SMYD3: variants seen among roughly 807,000 people sequenced by gnomAD.
SMYD3 encodes SET and MYND domain containing 3.
A neutral mutation model predicts 57.7 loss-of-function variants in SMYD3; 36 were observed. That is an observed-to-expected ratio of 0.62 (90% confidence interval 0.48 to 0.82). The LOEUF is 0.82. Ranked by LOEUF, SMYD3 falls within the 40% of genes least tolerant of loss-of-function variation. SMYD3 has a pLI of 0.00. For synonymous variants in SMYD3, 211 were observed against 195.0 expected (o/e 1.08, Z -0.68); for missense variants, 515 against 538.8 (o/e 0.96, Z 0.44).
chr1:246,121,872 C>T (rs1227401925), intron 5 of SMYD3, among the ~76,000 whole-genome samples: 1 of 152,138 alleles, frequency 6.6e-6, no homozygotes, highest in African/African-American at 2.4e-5. Context: ...GCGATTACTA[C>T]AGAGTTCTAA....
At chr1:246,348,610 G>A (rs1016162123) in intron 2 of SMYD3, among the ~76,000 whole-genome samples, 21 of 151,704 alleles carry the variant, frequency 1.4e-4, no homozygotes, top group African/African-American at 5.1e-4. Flanking sequence ...GAAGGGGAAG[G>A]AGGAGGAGGT....
chr1:246,419,026 C>G (rs183978087), intron 1 of SMYD3, among the ~76,000 whole-genome samples: 327 of 152,288 alleles, frequency 2.1e-3, no homozygotes, highest in Non-Finnish European at 3.9e-3. Context: ...ACCCCCTCCC[C>G]GCCCTTGCGA....
intron 5 of SMYD3, among the ~76,000 whole-genome samples, chr1:246,165,402 T>TA (rs1444718988): frequency 6.6e-6 from 1 of 151,996 alleles, no homozygotes; most frequent in Non-Finnish European, 1.5e-5. Context: ...ATTTAAAGGC[T>TA]AAAAAAGGTG....
At chr1:245,886,807 C>T (rs931282972) in intron 8 of SMYD3, among the ~76,000 whole-genome samples, 2 of 152,092 alleles carry the variant, frequency 1.3e-5, no homozygotes, top group Admixed American at 6.6e-5. Context: ...TATTGCGGGT[C>T]GAAAGGCCAA....
intron 7 of SMYD3, among the ~76,000 whole-genome samples, chr1:245,923,165 A>C (rs1162293654): frequency 6.6e-6 from 1 of 152,140 alleles, no homozygotes; most frequent in African/African-American, 2.4e-5. Context: ...ACTGAGTAAA[A>C]TGTTTCGTTT....
chr1:246,442,697 T>A (rs2067488304), intron 1 of SMYD3, among the ~76,000 whole-genome samples: 1 of 152,146 alleles, frequency 6.6e-6, no homozygotes, highest in Non-Finnish European at 1.5e-5. Context: ...AGTTTAAAAA[T>A]ATATATATAT....
At chr1:246,302,523 T>C (rs2064908228) in intron 5 of SMYD3, among the ~76,000 whole-genome samples, 1 of 151,944 alleles carries the variant, frequency 6.6e-6, no homozygotes, top group African/African-American at 2.4e-5. Context: ...AAACAATAAG[T>C]GAAGTAAGAA....
intron 5 of SMYD3, among the ~76,000 whole-genome samples, chr1:246,214,914 A>G (rs10802348): frequency 0.27 from 40,402 of 152,066 alleles, 6,104 homozygotes; most frequent in East Asian, 0.58. Flanking sequence ...TATATGCTCT[A>G]TTATCAAATA....
intron 5 of SMYD3, among the ~76,000 whole-genome samples, chr1:246,211,722 T>A (rs956546176): frequency 6.6e-6 from 1 of 152,126 alleles, no homozygotes; most frequent in Non-Finnish European, 1.5e-5. Flanking sequence ...GAACTTTACA[T>A]GACATCTTCC....
chr1:246,061,083 C>T (rs796368000), intron 5 of SMYD3, among the ~76,000 whole-genome samples: 21 of 152,150 alleles, frequency 1.4e-4, no homozygotes, highest in African/African-American at 5.1e-4. Flanking sequence ...ATTAGCCAGG[C>T]GTGCTGGCAG....
chr1:246,125,081 A>ACACACACACAC (rs1263823647), intron 5 of SMYD3, among the ~76,000 whole-genome samples: 1,184 of 109,558 alleles, frequency 0.011, 19 homozygotes, highest in African/African-American at 0.03. Context: ...CAAAAAAAAA[A>ACACACACACAC]AAAAAAACAC....
At chr1:245,761,786 C>CTTTTT (rs534305833) in intron 11 of SMYD3, among the ~76,000 whole-genome samples, 4,234 of 115,536 alleles carry the variant, frequency 0.037, 495 homozygotes, top group African/African-American at 0.14. Flanking sequence ...CATATTGAGT[C>CTTTTT]TTTTTTTTTT....
chr1:246,161,018 C>T (rs1257500527), intron 5 of SMYD3, among the ~76,000 whole-genome samples: 2 of 152,142 alleles, frequency 1.3e-5, no homozygotes, highest in South Asian at 2.1e-4. Flanking sequence ...TGTGAGACAA[C>T]GCCATCAGAC....
chr1:246,130,817 T>C (rs1412187169), intron 5 of SMYD3, among the ~76,000 whole-genome samples: 2 of 152,216 alleles, frequency 1.3e-5, no homozygotes, highest in African/African-American at 4.8e-5. Flanking sequence ...TTTCATGCCA[T>C]GAACAAGAAT....
intron 5 of SMYD3, among the ~76,000 whole-genome samples, chr1:246,114,587 T>C (rs2061311644): frequency 6.6e-6 from 1 of 152,198 alleles, no homozygotes; most frequent in African/African-American, 2.4e-5. Context: ...CAGCCTCTTC[T>C]CTGCTGTGCC....
At chr1:245,820,413 T>C (rs2049096957) in intron 10 of SMYD3, among the ~76,000 whole-genome samples, 1 of 143,602 alleles carries the variant, frequency 7.0e-6, no homozygotes, top group Admixed American at 7.0e-5. Context: ...ATAAGAGCTA[T>C]CTATGACAAA....
At position 245,833,851 on chromosome 1, in the gene SMYD3, C is replaced by T. The variant is rs185344769; in HGVS notation, c.1076+24645G>A. On this transcript the variant is annotated intron_variant, in intron 10 of 11. Transcript: ENST00000490107. ...ACACACTCACTCTCAGGGTCTCACC[C>T]GCATGAATCTTGCACCCCATGCACC... Among the ~76,000 whole-genome samples the T allele has an allele frequency of 4.4e-4, 67 of 152,322 alleles. 1 individual carries two copies. Among genetic ancestry groups the T allele is most frequent in the African/African-American group, 1.5e-3 (63 of 41,564 alleles).
At chr1:245,994,266 G>C (rs1442300823) in intron 5 of SMYD3, among the ~76,000 whole-genome samples, 1 of 152,144 alleles carries the variant, frequency 6.6e-6, no homozygotes, top group Non-Finnish European at 1.5e-5. Flanking sequence ...TACACATTAG[G>C]AACTCCTCTA....
intron 5 of SMYD3, among the ~76,000 whole-genome samples, chr1:246,115,624 G>C (rs1224777387): frequency 6.6e-6 from 1 of 152,206 alleles, no homozygotes; most frequent in Non-Finnish European, 1.5e-5. Context: ...AAGCAGCATG[G>C]TTTCACTGGA....
Sources: gnomAD v4.1 joint callset for allele counts (sites outside exome capture counted in the v4.1 genomes callset) on GRCh38, gnomAD v4.1.1 for gene constraint, MANE v1.5 for transcripts, NCBI Gene and HGNC (gene_info 2026-07-23, HGNC 2026-07-21) for gene names.